The following ARL15 variants were observed in gnomAD, a reference collection of about 807,000 sequenced individuals.
The protein encoded by ARL15 is ARF like GTPase 15, also known as ADP-ribosylation factor-like protein 15.
A neutral mutation model predicts 25.2 loss-of-function variants in ARL15; 19 were observed. The ratio of observed to expected loss-of-function variants is 0.75; its 90% confidence interval spans 0.53 to 1.10. The LOEUF is 1.10. ARL15 is among the 50% of genes least tolerant of loss of function. The pLI is 0.00. For missense variants in ARL15, 220 were observed against 246.0 expected (o/e 0.89, Z 0.71); for synonymous variants, 94 against 86.8 (o/e 1.08, Z -0.46).
chr5:54,288,039 A>C (rs1862586), intron 1 of ARL15, among the ~76,000 whole-genome samples: 61,073 of 152,102 alleles, frequency 0.4, 15,991 homozygotes, highest in Non-Finnish European at 0.57. Context: ...ACAGCAATCT[A>C]AATTTACAAA....
At chr5:54,233,089 A>G (rs1232078511) in intron 1 of ARL15, among the ~76,000 whole-genome samples, 1 of 152,216 alleles carries the variant, frequency 6.6e-6, no homozygotes, top group Non-Finnish European at 1.5e-5. Context: ...AAACTCTACC[A>G]GCTGCCATTG....
At chr5:53,891,333 C>G (rs1271127369) in intron 4 of ARL15, among the ~76,000 whole-genome samples, 1 of 152,176 alleles carries the variant, frequency 6.6e-6, no homozygotes, top group African/African-American at 2.4e-5. Context: ...CTTTGACCCA[C>G]AAGAACGTGT....
intron 4 of ARL15, among the ~76,000 whole-genome samples, chr5:54,012,893 A>G (rs1018191305): frequency 4.7e-5 from 7 of 147,790 alleles, no homozygotes; most frequent in Admixed American, 2.8e-4. Flanking sequence ...ATCTCGGCTC[A>G]CTCACAAGCA....
intron 4 of ARL15, among the ~76,000 whole-genome samples, chr5:53,964,518 C>T (rs1747484501): frequency 6.6e-6 from 1 of 152,066 alleles, no homozygotes; most frequent in African/African-American, 2.4e-5. Flanking sequence ...CACCACCATG[C>T]CTGGCTAATT....
At chr5:53,956,842 T>A (rs185253962) in intron 4 of ARL15, among the ~76,000 whole-genome samples, 2 of 151,900 alleles carry the variant, frequency 1.3e-5, no homozygotes, top group Admixed American at 1.3e-4. Flanking sequence ...TAATAGCAGA[T>A]GTGGGCAAGC....
intron 1 of ARL15, among the ~76,000 whole-genome samples, chr5:54,286,846 C>T (rs945812335): frequency 6.2e-5 from 9 of 144,600 alleles, no homozygotes; most frequent in South Asian, 2.2e-4. Context: ...AGAAAGAAAA[C>T]GAAAAAAACA....
chr5:54,291,422 A>G (rs1345322318), intron 1 of ARL15, among the ~76,000 whole-genome samples: 1 of 152,160 alleles, frequency 6.6e-6, no homozygotes, highest in African/African-American at 2.4e-5. Flanking sequence ...TATACCTAAT[A>G]CAATGACAAT....
chr5:54,063,691 TA>T (rs1751133809), intron 4 of ARL15, among the ~76,000 whole-genome samples: 1 of 152,242 alleles, frequency 6.6e-6, no homozygotes, highest in Non-Finnish European at 1.5e-5. Flanking sequence ...AATAACTCAT[TA>T]TTTTTTTCAC....
In ARL15 at chr5:54,243,402, A is replaced by C. The variant is rs544929776; in HGVS notation, c.48+67030T>G. The stretch of plus-strand genomic sequence containing the variant: ...ATTATCCGCCCTTTGTATTCTCCTC[A>C]TAAGCACAGACTGTGTTATAAACAA... On this transcript the variant is annotated intron_variant, in intron 1 of 4. Transcript: ENST00000504924. Among the ~76,000 whole-genome samples, 3 of 152,326 alleles carry C rather than the reference A, an allele frequency of 2.0e-5. No homozygotes were observed. The South Asian group carries it at 6.2e-4, about 32-fold the overall frequency.
At chr5:54,171,677 A>G (rs748410592) in intron 2 of ARL15, 107 bp downstream of exon 2, 5 of 1,284,370 alleles carry the variant, frequency 3.9e-6, no homozygotes, top group Non-Finnish European at 5.2e-6. Flanking sequence ...AAATAAACTG[A>G]TTAAAGCATT....
At position 53,890,035 on chromosome 5, in the gene ARL15, A is replaced by C. The variant is rs867363949; in HGVS notation, c.463-3322T>G. ...ACCACGTTGGCCAGGCTGGTCTCGA[A>C]CTCTGACCTCAGGACAATCTGCCCA... On this transcript the variant is annotated intron_variant, in intron 4 of 4. Transcript: ENST00000504924. 2.6e-5 allele frequency among the ~76,000 whole-genome samples: 4 copies of C among 152,170 alleles called. 1 individual carries two copies. The Middle Eastern group carries it at 0.014, about 518-fold the overall frequency.
chr5:54,299,690 A>G (rs531154245), intron 1 of ARL15, among the ~76,000 whole-genome samples: 1 of 147,846 alleles, frequency 6.8e-6, no homozygotes, highest in Non-Finnish European at 1.5e-5. Context: ...CCTGGGTTCA[A>G]GTGATTCTCC....
chr5:54,166,233 C>T (rs951557025), intron 2 of ARL15, among the ~76,000 whole-genome samples: 2 of 152,066 alleles, frequency 1.3e-5, no homozygotes, highest in Non-Finnish European at 2.9e-5. Context: ...CTCTCTCTGT[C>T]ACCCAGGTTG....
At chr5:54,198,382 G>T (rs1349944990) in intron 1 of ARL15, among the ~76,000 whole-genome samples, 14 of 152,090 alleles carry the variant, frequency 9.2e-5, no homozygotes, top group Admixed American at 5.9e-4. Context: ...GACACAATTG[G>T]ATATCTAGAA....
chr5:54,134,800 G>C (rs1753552464), intron 3 of ARL15, among the ~76,000 whole-genome samples: 1 of 151,730 alleles, frequency 6.6e-6, no homozygotes, highest in Non-Finnish European at 1.5e-5. Context: ...GGACAGGATG[G>C]TCTCAATCTC....
intron 4 of ARL15, among the ~76,000 whole-genome samples, chr5:54,103,760 T>C (rs1752509479): frequency 6.6e-6 from 1 of 152,182 alleles, no homozygotes; most frequent in South Asian, 2.1e-4. Context: ...TGTTTCTAAG[T>C]AGGAGAGTAT....
At chr5:54,071,979 GAAAAAAAAAA>G (rs71989027) in intron 4 of ARL15, among the ~76,000 whole-genome samples, 2 of 126,176 alleles carry the variant, frequency 1.6e-5, no homozygotes, top group East Asian at 2.5e-4. Context: ...CTCAAAAAAA[GAAAAAAAAAA>G]AAAAAAGAAA....
intron 4 of ARL15, among the ~76,000 whole-genome samples, chr5:53,921,439 T>C (rs1214913922): frequency 2.0e-5 from 3 of 152,210 alleles, no homozygotes; most frequent in Non-Finnish European, 4.4e-5. Context: ...TATTTTCCCA[T>C]TAATTATGTG....
chr5:54,307,390 G>A (rs1030125202), intron 1 of ARL15, among the ~76,000 whole-genome samples: 6 of 151,818 alleles, frequency 4.0e-5, no homozygotes, highest in African/African-American at 9.7e-5. Flanking sequence ...ATAAAATATC[G>A]GGCCCTAACT....
Sources: allele counts gnomAD v4.1 joint callset (sites outside exome capture counted in the v4.1 genomes callset), GRCh38; gene constraint gnomAD v4.1.1; transcripts MANE v1.5; gene names NCBI Gene and HGNC (gene_info 2026-07-23, HGNC 2026-07-21).